NPHP1: variants seen among roughly 807,000 people sequenced by gnomAD.
The protein encoded by NPHP1 is nephrocystin-1.
A neutral mutation model predicts 90.4 loss-of-function variants in NPHP1; 70 were observed. That is an observed-to-expected ratio of 0.77 (90% CI 0.64 to 0.95). NPHP1 has a LOEUF of 0.95. NPHP1 is among the 40% of genes least tolerant of loss of function. NPHP1 has a pLI of 0.00. For synonymous variants in NPHP1, 256 were observed against 271.7 expected (o/e 0.94, Z 0.57); for missense variants, 764 against 795.9 (o/e 0.96, Z 0.48).
intron 11 of NPHP1, among the ~76,000 whole-genome samples, chr2:110,153,208 T>A (rs1229372981): frequency 6.6e-6 from 1 of 152,078 alleles, no homozygotes. Flanking sequence ...GAATTCTCTA[T>A]CTAATTAAAA....
intron 3 of NPHP1, chr2:110,178,783 C>T (rs1443551527): frequency 2.0e-6 from 1 of 492,144 alleles, no homozygotes; most frequent in East Asian, 3.6e-5. Context: ...TATTTTCTTG[C>T]TAAGTATTAT....
At chr2:110,155,595 G>A (rs1223461820) in intron 11 of NPHP1, among the ~76,000 whole-genome samples, 4 of 152,190 alleles carry the variant, frequency 2.6e-5, no homozygotes, top group South Asian at 2.1e-4. Context: ...TTACATCAGC[G>A]TGACCTGGAT....
Position 110,161,476 on chromosome 2 carries a change from TC to T in NPHP1, c.954+126del. The T allele has an allele frequency of 3.0e-5, 20 of 660,240 alleles. No individual in the cohort carries two copies. The South Asian group carries it at 3.6e-4, about 12-fold the overall frequency. 40.9% of individuals were successfully genotyped at this position (660,240 alleles called of 1,614,324 possible). On this transcript the variant is annotated intron_variant, in intron 10 of 19. Transcript: ENST00000445609. ...CTTAGTTATAAAAATATCGCTATTT[TC>T]AAAATTATCATAAACAATTTTTTTG...
intron 16 of NPHP1, among the ~76,000 whole-genome samples, chr2:110,140,362 C>G (rs1369890526): frequency 6.6e-6 from 1 of 152,066 alleles, no homozygotes; most frequent in African/African-American, 2.4e-5. Flanking sequence ...GGTGCCTATT[C>G]TGTACTGTAA....
At chr2:110,145,777 A>G (rs1680997200) in intron 14 of NPHP1, among the ~76,000 whole-genome samples, 1 of 152,206 alleles carries the variant, frequency 6.6e-6, no homozygotes, top group African/African-American at 2.4e-5. Context: ...TATTTCTTCC[A>G]CTAAGCACAA....
intron 16 of NPHP1, among the ~76,000 whole-genome samples, chr2:110,138,700 C>T (rs1680401612): frequency 1.3e-5 from 2 of 152,024 alleles, no homozygotes; most frequent in Admixed American, 6.6e-5. Context: ...GTCCACGGTC[C>T]CATTGCACAG....
chr2:110,194,612 A>C (rs1685014531), intron 2 of NPHP1, among the ~76,000 whole-genome samples: 1 of 152,178 alleles, frequency 6.6e-6, no homozygotes, highest in African/African-American at 2.4e-5. Flanking sequence ...TTCTGAAACT[A>C]TTCCAATCAA....
At chr2:110,182,537 A>G (rs1323060709) in intron 2 of NPHP1, among the ~76,000 whole-genome samples, 1 of 152,134 alleles carries the variant, frequency 6.6e-6, no homozygotes, top group Non-Finnish European at 1.5e-5. Context: ...AAATCCGGCC[A>G]AACTAAGCTT....
chr2:110,125,541 A>ATGGC, intron 19 of NPHP1, 96 bp downstream of exon 19: 1 of 1,270,136 alleles, frequency 7.9e-7, no homozygotes, highest in South Asian at 1.2e-5. Context: ...GATTATGACT[A>ATGGC]TGGCTACTTT....
chr2:110,160,043 G>A, intron 11 of NPHP1, 84 bp downstream of exon 11: 8 of 1,417,368 alleles, frequency 5.6e-6, no homozygotes, highest in South Asian at 1.2e-5. Context: ...CTTGGGAATT[G>A]GGGAGGAGTT....
chr2:110,157,230 T>C (rs1444609670), intron 11 of NPHP1, among the ~76,000 whole-genome samples: 3 of 152,212 alleles, frequency 2.0e-5, no homozygotes, highest in African/African-American at 7.2e-5. Context: ...ATTATTTTGA[T>C]ATATTATTGA....
chr2:110,184,874 T>C (rs924892870), intron 2 of NPHP1: 1 of 697,860 alleles, frequency 1.4e-6, no homozygotes, highest in Non-Finnish European at 2.7e-6. Context: ...CAGGCCAGAC[T>C]TGATCAGGGA....
At chr2:110,196,026 T>C (rs373395291) in intron 2 of NPHP1, among the ~76,000 whole-genome samples, 18 of 152,218 alleles carry the variant, frequency 1.2e-4, no homozygotes, top group African/African-American at 4.1e-4. Flanking sequence ...AAGACTTAAA[T>C]GTTGGACCTA....
At chr2:110,203,487 CAA>C (rs1469117965) in intron 1 of NPHP1, among the ~76,000 whole-genome samples, 1 of 152,108 alleles carries the variant, frequency 6.6e-6, no homozygotes, top group East Asian at 1.9e-4. Flanking sequence ...AATGCCCCAT[CAA>C]GTTTTATTTT....
chr2:110,127,149 C>G (rs1679427891), intron 18 of NPHP1: 1 of 152,246 alleles, frequency 6.6e-6, no homozygotes, highest in Non-Finnish European at 1.5e-5. Flanking sequence ...AGCCCAAGAA[C>G]AATTCTCCAT....
intron 2 of NPHP1, chr2:110,185,320 C>T (rs1473708735): frequency 2.8e-6 from 1 of 362,254 alleles, no homozygotes; most frequent in Non-Finnish European, 5.4e-6. Context: ...ATGCAAGTGC[C>T]ATGTGGCCCA....
intron 12 of NPHP1, among the ~76,000 whole-genome samples, chr2:110,148,626 G>A (rs532798834): frequency 3.3e-5 from 5 of 152,214 alleles, no homozygotes; most frequent in Admixed American, 1.3e-4. Context: ...CACTTTTAAA[G>A]GGAAAATACC....
intron 18 of NPHP1, 90 bp from the exon 19 acceptor site, chr2:110,125,771 G>T: frequency 9.3e-7 from 1 of 1,069,910 alleles, no homozygotes; most frequent in Non-Finnish European, 1.4e-6. Flanking sequence ...TAAACTTATG[G>T]ACAGGGTTAA....
rs193081678 is a variant in NPHP1, at chr2:110,168,489, T to C, written c.587A>G (p.Lys196Arg). The C allele has an allele frequency of 3.7e-6, 6 of 1,613,554 alleles. No homozygotes were observed. The change falls in exon 6 of 20, where the codon AAA becomes AGA. Residue 196 changes from lysine to arginine, a missense_variant. Lys to Arg is a conservative substitution (Grantham distance 26). Transcript: ENST00000445609. ...TCTGGGAACAAGACCTTCATTTCCT[T>C]TGGCATCCTTAGCTATCCACCAACC... Reference protein sequence around the residue: ...PDGWWIAKDAKGNEGLVPRTY... With the variant: ...PDGWWIAKDARGNEGLVPRTY...
Sources: gnomAD v4.1 joint callset for allele counts (sites outside exome capture counted in the v4.1 genomes callset) on GRCh38, gnomAD v4.1.1 for gene constraint, MANE v1.5 for transcripts, NCBI Gene and HGNC (gene_info 2026-07-23, HGNC 2026-07-21) for gene names.